MDGA2: variants seen among roughly 807,000 people sequenced by gnomAD.
MDGA2 encodes the protein MAM domain-containing glycosylphosphatidylinositol anchor protein 2.
Under a neutral mutation model 117.8 loss-of-function variants are expected in MDGA2, and 40 were observed. That is an observed-to-expected ratio of 0.34 (90% CI 0.26 to 0.44). The LOEUF is 0.44. Among genes scored for constraint, MDGA2 ranks in the 20% least tolerant of loss-of-function variants. The pLI is 1.00. For synonymous variants in MDGA2, 452 were observed against 439.0 expected, an observed-to-expected ratio of 1.03 and a Z score of -0.37; for missense variants, 1,123 against 1,250.6, an observed-to-expected ratio of 0.90 and a Z score of 1.54.
intron 1 of MDGA2, among the ~76,000 whole-genome samples, chr14:47,329,966 A>G (rs1890248393): frequency 6.6e-6 from 1 of 152,032 alleles, no homozygotes; most frequent in African/African-American, 2.4e-5. Context: ...GAAAGCAAAT[A>G]ATTTCAATGA....
At chr14:47,454,216 T>C (rs538842379) in intron 1 of MDGA2, among the ~76,000 whole-genome samples, 33 of 152,268 alleles carry the variant, frequency 2.2e-4, no homozygotes, top group African/African-American at 6.5e-4. Context: ...TGGGAGAGTG[T>C]CATAGGCAGC....
chr14:47,105,413 T>A (rs1471251237), intron 5 of MDGA2, among the ~76,000 whole-genome samples: 1 of 151,772 alleles, frequency 6.6e-6, no homozygotes, highest in Non-Finnish European at 1.5e-5. Flanking sequence ...TCTCTGGGCT[T>A]GCCTCCTTCA....
Position 47,593,429 on chromosome 14 carries a change from C to T in MDGA2, c.280+81088G>A, listed in dbSNP as rs180711579. On this transcript the variant is annotated intron_variant, in intron 1 of 16. Transcript: ENST00000399232. ...ATTCTATTATAAAGATACATGCATG[C>T]GTTTGTTCACGCCACGCTATTCACA... 5.1e-4 allele frequency among the ~76,000 whole-genome samples: 77 copies of T among 152,174 alleles called. No individual in the cohort carries two copies. In the East Asian group the frequency reaches 8.3e-3, roughly 16 times the overall value.
intron 10 of MDGA2, among the ~76,000 whole-genome samples, chr14:46,887,289 C>A (rs1413102017): frequency 6.6e-6 from 1 of 151,926 alleles, no homozygotes; most frequent in Non-Finnish European, 1.5e-5. Context: ...AGCCCTATTT[C>A]ATGAATGAAA....
At chr14:47,619,116 T>TATGCACAC (rs140667074) in intron 1 of MDGA2, among the ~76,000 whole-genome samples, 1 of 90,712 alleles carries the variant, frequency 1.1e-5, no homozygotes, top group Non-Finnish European at 2.4e-5. Context: ...TCAGTTTAAT[T>TATGCACAC]ACACACACAC....
At chr14:47,490,593 A>G (rs767793709) in intron 1 of MDGA2, among the ~76,000 whole-genome samples, 2 of 152,218 alleles carry the variant, frequency 1.3e-5, no homozygotes, top group Middle Eastern at 6.8e-3. Context: ...AATCGTATAC[A>G]TATTGGCGAG....
chr14:47,104,115 G>A (rs1472074466), intron 5 of MDGA2, among the ~76,000 whole-genome samples: 2 of 152,160 alleles, frequency 1.3e-5, no homozygotes, highest in African/African-American at 2.4e-5. Flanking sequence ...ATTAGAGCAC[G>A]GTGAGCAAAG....
intron 9 of MDGA2, among the ~76,000 whole-genome samples, chr14:46,938,069 C>T (rs1448720852): frequency 2.6e-5 from 4 of 152,056 alleles, no homozygotes; most frequent in Non-Finnish European, 5.9e-5. Flanking sequence ...GAATTACTAT[C>T]CAGAAAATAC....
intron 1 of MDGA2, among the ~76,000 whole-genome samples, chr14:47,486,474 T>C (rs1356396863): frequency 6.6e-6 from 1 of 152,156 alleles, no homozygotes; most frequent in African/African-American, 2.4e-5. Context: ...TTTGAGTTAA[T>C]GCTGAAATGA....
chr14:47,468,754 G>A (rs548178143), intron 1 of MDGA2, among the ~76,000 whole-genome samples: 4 of 151,788 alleles, frequency 2.6e-5, no homozygotes, highest in Non-Finnish European at 4.4e-5. Context: ...AGTTAAATTC[G>A]ACACCTCTTT....
At chr14:47,265,668 T>C (rs1018294421) in intron 2 of MDGA2, among the ~76,000 whole-genome samples, 3 of 151,634 alleles carry the variant, frequency 2.0e-5, no homozygotes, top group South Asian at 2.1e-4. Flanking sequence ...TAGCTTATCA[T>C]AGGATAAAAT....
rs199928470 is a variant in MDGA2 at position 47,644,041 on chromosome 14, T to A, written c.280+30476A>T. On this transcript the variant is annotated intron_variant, in intron 1 of 16. Coordinates refer to ENST00000399232, the MANE Select transcript of MDGA2 (RefSeq NM_001113498.3). ...CACAGCCAATTTGAAATTAGTTTAT[T>A]AGAGCATCTATACGCCTACTGTAAG... 2.6e-5 allele frequency among the ~76,000 whole-genome samples: 4 copies of A among 152,266 alleles called. No homozygotes were observed. The East Asian group carries it at 7.7e-4, about 29-fold the overall frequency.
chr14:46,916,178 T>C (rs1489911142), intron 10 of MDGA2, among the ~76,000 whole-genome samples: 2 of 152,144 alleles, frequency 1.3e-5, no homozygotes, highest in Non-Finnish European at 2.9e-5. Context: ...ATCCGCCACA[T>C]AGATAAAACT....
At chr14:47,016,341 T>C (rs1888082367) in intron 8 of MDGA2, among the ~76,000 whole-genome samples, 1 of 148,560 alleles carries the variant, frequency 6.7e-6, no homozygotes, top group Non-Finnish European at 1.5e-5. Flanking sequence ...TTCAAATATT[T>C]TCCCAAATAA....
At chr14:47,208,870 G>T (rs748463821) in intron 3 of MDGA2, among the ~76,000 whole-genome samples, 2 of 151,814 alleles carry the variant, frequency 1.3e-5, no homozygotes, top group East Asian at 3.9e-4. Context: ...AGATCTCTTG[G>T]TAACAATAAG....
At chr14:47,588,450 C>T (rs887792541) in intron 1 of MDGA2, among the ~76,000 whole-genome samples, 1 of 151,692 alleles carries the variant, frequency 6.6e-6, no homozygotes, top group African/African-American at 2.4e-5. Flanking sequence ...TACAGTCATC[C>T]TAGTGCATGA....
At chr14:47,225,634 G>A (rs1566689701) in intron 2 of MDGA2, among the ~76,000 whole-genome samples, 1 of 151,340 alleles carries the variant, frequency 6.6e-6, no homozygotes, top group Admixed American at 6.6e-5. Flanking sequence ...GACACAGGAA[G>A]GGGAACATCA....
chr14:47,213,970 C>G (rs915798415), intron 3 of MDGA2, among the ~76,000 whole-genome samples: 1 of 151,918 alleles, frequency 6.6e-6, no homozygotes, highest in African/African-American at 2.4e-5. Context: ...ACCTTTTTGG[C>G]GAGTAGTAGC....
chr14:47,070,227 CT>C (rs1331515596), intron 6 of MDGA2, among the ~76,000 whole-genome samples: 1 of 152,152 alleles, frequency 6.6e-6, no homozygotes, highest in African/African-American at 2.4e-5. Context: ...AATCCCACCC[CT>C]GTTCCGGTAA....
Sources: allele counts gnomAD v4.1 joint callset (sites outside exome capture counted in the v4.1 genomes callset), GRCh38; gene constraint gnomAD v4.1.1; transcripts MANE v1.5; gene names NCBI Gene and HGNC (gene_info 2026-07-23, HGNC 2026-07-21).